DNAH10: variants seen among roughly 807,000 people sequenced by gnomAD.
DNAH10 encodes the protein axonemal beta dynein heavy chain 10.
A neutral mutation model predicts 506.6 loss-of-function variants in DNAH10; 348 were observed. The observed-to-expected ratio is 0.69, with a 90% CI of 0.63 to 0.75. DNAH10 has a LOEUF of 0.75. DNAH10 is among the 30% of genes least tolerant of loss of function. DNAH10 has a pLI of 0.00. For missense variants in DNAH10, 5,179 were observed against 5,787.1 expected, an observed-to-expected ratio of 0.89 and a Z score of 3.41; for synonymous variants, 2,059 against 2,198.6, an observed-to-expected ratio of 0.94 and a Z score of 1.78.
In DNAH10 at chr12:123,907,761, G is replaced by A. The variant is rs147259434; in HGVS notation, c.9816-1500G>A. Among the ~76,000 whole-genome samples the A allele has an allele frequency of 1.1e-3, 175 of 152,292 alleles. 5 individuals carry two copies. The East Asian group carries it at 0.031, about 27-fold the overall frequency. On this transcript the variant is annotated intron_variant, in intron 57 of 78. Transcript: ENST00000673944. This position sits in a 1 kb window ranked among gnomAD's most constrained non-coding sequence, Gnocchi z 4.4. ...CCTGCTTGTTCACAGAGCGGTGGCCGGGGCCTGGTTTCCATCCACCCTGAA... is the reference window on the plus strand; with the variant it reads ...CCTGCTTGTTCACAGAGCGGTGGCCAGGGCCTGGTTTCCATCCACCCTGAA...
chr12:123,877,712 G>C lies in DNAH10; in HGVS notation c.8200-24G>C, dbSNP rs748247948. 9 of 1,601,334 alleles carry C rather than the reference G, an allele frequency of 5.6e-6. No homozygotes were observed. The African/African-American group carries it at 1.1e-4, about 19-fold the overall frequency. On this transcript the variant is annotated intron_variant, in intron 47 of 78. Transcript: ENST00000673944. ...CTACTGAAGGACATTTGTGTGTTGG[G>C]GGGGGTGTCTTTGCATTTTTCAGAC...
chr12:123,931,092 G>A (rs891853962), intron 73 of DNAH10, among the ~76,000 whole-genome samples: 2 of 152,088 alleles, frequency 1.3e-5, no homozygotes, highest in African/African-American at 4.8e-5. Flanking sequence ...GTGAATACCT[G>A]TAGTACCAGC....
rs773214091 is a variant in DNAH10, at chr12:123,887,304, C to T, written c.8986C>T (p.Leu2996=). 6.2e-7 allele frequency: 1 copy of T among 1,613,340 alleles called. No individual in the cohort carries two copies. Among genetic ancestry groups the T allele is most frequent in the African/African-American group, 1.3e-5 (1 of 75,044 alleles). ...CTTCCTGGAGCTCATCAACAACATGCTGACCTCAGGTACAGCCAAGGCTGG... is the reference window on the plus strand; with the variant it reads ...CTTCCTGGAGCTCATCAACAACATGTTGACCTCAGGTACAGCCAAGGCTGG... The part of the protein sequence containing the change: ...EGFLELINNM[L]TSGIVPALFS... Residue 2996 remains leucine, a synonymous_variant, in exon 52 of 79, where the codon CTG becomes TTG. Transcript: ENST00000673944.
chr12:123,796,803 G>C lies in DNAH10; in HGVS notation c.2134G>C (p.Glu712Gln). 6.2e-7 allele frequency: 1 copy of C among 1,613,790 alleles called. No individual in the cohort carries two copies. The highest frequency in any genetic ancestry group is 8.5e-7 in the Non-Finnish European group (1 of 1,179,948). ...HTILRFQEVQ[E>Q]ILDSDRGQEV... Reference sequence around the variant, plus strand: ...CATCCTCCGATTTCAAGAGGTACAAGAGATACTGGACAGTGATCGAGGACA... The same window carrying C: ...CATCCTCCGATTTCAAGAGGTACAACAGATACTGGACAGTGATCGAGGACA... Residue 712 changes from glutamate (E) to glutamine (Q), a missense_variant, in exon 13 of 79, where the codon GAG becomes CAG. Coordinates refer to ENST00000673944, the MANE Select transcript of DNAH10 (RefSeq NM_001372106.1).
chr12:123,795,438 G>A (rs1038460302), intron 12 of DNAH10, among the ~76,000 whole-genome samples: 9 of 152,030 alleles, frequency 5.9e-5, no homozygotes, highest in African/African-American at 2.2e-4. Context: ...GAGTCTCTAG[G>A]GATGATTCAG....
chr12:123,830,571 AC>A lies in DNAH10; in HGVS notation c.4418del (p.Thr1473SerfsTer7), dbSNP rs1349673801. On this transcript the variant is annotated frameshift_variant, in exon 26 of 79. Transcript: ENST00000673944. LOFTEE classifies it high-confidence loss of function. ...DRHWKELMEK[T>X]SVFFEMTETF... ...GCATTGGAAAGAACTTATGGAAAAA[AC>A]GTCTGTCTTTTTTGAAATGACCGAA... The A allele has an allele frequency of 1.2e-6, 2 of 1,613,552 alleles. No homozygotes were observed. The highest frequency in any genetic ancestry group is 1.7e-5 in the Admixed American group (1 of 59,950).
At chr12:123,828,567 C>T (rs893066954) in intron 25 of DNAH10, among the ~76,000 whole-genome samples, 14 of 152,094 alleles carry the variant, frequency 9.2e-5, no homozygotes, top group African/African-American at 3.4e-4. Context: ...CTTTTAGCTC[C>T]CCTATCTTAG....
intron 34 of DNAH10, among the ~76,000 whole-genome samples, chr12:123,849,436 AGATTAAGCTG>A (rs1470293515): frequency 2.0e-5 from 3 of 152,238 alleles, no homozygotes; most frequent in Non-Finnish European, 2.9e-5. Context: ...AAATTACACC[AGATTAAGCTG>A]GATCCAAATT....
At chr12:123,808,695 C>T (rs1331284232) in intron 18 of DNAH10, 102 bp from the exon 19 acceptor site, 1 of 1,262,432 alleles carries the variant, frequency 7.9e-7, no homozygotes, top group Non-Finnish European at 1.1e-6. Flanking sequence ...GTGCCATTGC[C>T]TGTACCTGTG....
intron 19 of DNAH10, among the ~76,000 whole-genome samples, chr12:123,811,901 T>G (rs1403940091): frequency 1.3e-5 from 2 of 152,040 alleles, no homozygotes; most frequent in Non-Finnish European, 2.9e-5. Context: ...CCTCCCAAAG[T>G]GCTGGGATTA....
At chr12:123,849,787 C>T (rs374774451) in intron 34 of DNAH10, among the ~76,000 whole-genome samples, 7 of 152,208 alleles carry the variant, frequency 4.6e-5, no homozygotes, top group African/African-American at 9.7e-5. Context: ...ATCTCACATG[C>T]GTCCTCCTCA....
At chr12:123,842,175 G>A (rs769800696) in intron 30 of DNAH10, among the ~76,000 whole-genome samples, 1 of 152,226 alleles carries the variant, frequency 6.6e-6, no homozygotes, top group Non-Finnish European at 1.5e-5. Context: ...GAGGATTTGT[G>A]TTTTTGCAAG....
intron 24 of DNAH10, among the ~76,000 whole-genome samples, chr12:123,823,852 T>C (rs1483194958): frequency 6.6e-6 from 1 of 152,164 alleles, no homozygotes; most frequent in East Asian, 1.9e-4. Context: ...TATTCATTCT[T>C]TCTGGTTTTT....
intron 54 of DNAH10, among the ~76,000 whole-genome samples, chr12:123,895,996 C>T (rs1361120856): frequency 6.6e-6 from 1 of 151,606 alleles, no homozygotes; most frequent in Non-Finnish European, 1.5e-5. Flanking sequence ...ACCTGTAATC[C>T]CAGCTACTCA....
chr12:123,914,491 C>T lies in DNAH10; in HGVS notation c.10515C>T (p.Ile3505=). The T allele has an allele frequency of 6.2e-7, 1 of 1,613,754 alleles. No homozygotes were observed. The highest frequency in any genetic ancestry group is 2.2e-5 in the East Asian group (1 of 44,886). Residue 3505 remains isoleucine, a synonymous_variant, in exon 61 of 79, where the codon ATC becomes ATT. Transcript: ENST00000673944. ...IWQNDILERE[I]PLSQPFRLES... ...AAAATGACATCCTGGAGCGGGAGATCCCCCTGAGCCAGCCTTTCCGGCTGG... is the reference window on the plus strand; with the variant it reads ...AAAATGACATCCTGGAGCGGGAGATTCCCCTGAGCCAGCCTTTCCGGCTGG...
intron 46 of DNAH10, among the ~76,000 whole-genome samples, chr12:123,874,261 GTCCGTCCATCCA>G (rs1566027721): frequency 8.1e-6 from 1 of 123,102 alleles, no homozygotes; most frequent in African/African-American, 3.3e-5. Context: ...GCCAGAGTCC[GTCCGTCCATCCA>G]TCCATCCATC....
intron 52 of DNAH10, among the ~76,000 whole-genome samples, chr12:123,889,243 C>T (rs1952871521): frequency 1.3e-5 from 2 of 152,200 alleles, no homozygotes; most frequent in Non-Finnish European, 2.9e-5. Flanking sequence ...CTGCGTGCCA[C>T]TATCTAGAGT....
chr12:123,770,376 TC>T (rs1483498408), intron 2 of DNAH10, among the ~76,000 whole-genome samples: 2 of 151,862 alleles, frequency 1.3e-5, no homozygotes, highest in African/African-American at 4.8e-5. Context: ...GCACCATCAC[TC>T]CTGGATAACA....
intron 36 of DNAH10, among the ~76,000 whole-genome samples, chr12:123,856,311 T>C (rs1951387168): frequency 6.7e-6 from 1 of 149,890 alleles, no homozygotes; most frequent in South Asian, 2.1e-4. Flanking sequence ...TGTGTATATA[T>C]ATGTGTGTGT....
Sources: allele counts gnomAD v4.1 joint callset (sites outside exome capture counted in the v4.1 genomes callset), GRCh38; gene constraint gnomAD v4.1.1; non-coding constraint Gnocchi (gnomAD v3.1); transcripts MANE v1.5; gene names NCBI Gene and HGNC (gene_info 2026-07-23, HGNC 2026-07-21).